The following HMX2 variants were observed in gnomAD, a reference collection of about 807,000 sequenced individuals.
The protein encoded by HMX2 is H6 family homeobox 2.
In HMX2, 15 loss-of-function variants were observed where a neutral mutation model predicts 21.2. That is an observed-to-expected ratio of 0.71 (90% confidence interval 0.47 to 1.09). The LOEUF (loss-of-function observed/expected upper bound fraction) is 1.09. Among genes scored for constraint, HMX2 ranks in the 50% least tolerant of loss-of-function variants. The pLI is 0.00. For synonymous variants in HMX2, 193 were observed against 181.0 expected (o/e 1.07, Z -0.53); for missense variants, 440 against 381.5 (o/e 1.15, Z -1.28).
rs913190149 is a variant in HMX2 at position 123,148,511 on chromosome 10, C to G, written c.133C>G (p.Arg45Gly). 3 of 1,612,802 alleles carry G rather than the reference C, an allele frequency of 1.9e-6. No homozygotes were observed. The highest frequency in any genetic ancestry group is 2.5e-6 in the Non-Finnish European group (3 of 1,179,552). The change falls in exon 1 of 2, where the codon CGC (arginine) becomes GGC (glycine). Residue 45 changes from arginine (R) to glycine (G), a missense_variant. Arg to Gly is a moderately radical substitution (Grantham distance 125). Coordinates refer to ENST00000339992, the MANE Select transcript of HMX2 (RefSeq NM_005519.2). ...GCCCGTCGGCTGGCCAGCCAGGAAG[C>G]GCAGCCTGTCCGTGTCCTCGGAGGA... ...REPVGWPARKRSLSVSSEEEE... is the reference protein window; with the variant it reads ...REPVGWPARKGSLSVSSEEEE...
At position 123,149,675 on chromosome 10, in the gene HMX2, C is replaced by A; in HGVS notation, c.374C>A (p.Pro125His). ...DFKEEKERLL[P>H]AGSPSPGSER... ...AAAGAAGAGAAAGAGAGGCTCCTGCCCGCGGGCTCGCCCTCGCCGGGGTCC... is the reference window on the plus strand; with the variant it reads ...AAAGAAGAGAAAGAGAGGCTCCTGCACGCGGGCTCGCCCTCGCCGGGGTCC... The change falls in exon 2 of 2, where the codon CCC becomes CAC. Residue 125 changes from proline to histidine, a missense_variant. Physicochemically the swap from Pro to His is moderately conservative, Grantham distance 77. Coordinates refer to ENST00000339992, the MANE Select transcript of HMX2 (RefSeq NM_005519.2). The surrounding 1 kb of genome is among the most constrained non-coding windows in gnomAD (Gnocchi z 5.4). The A allele has an allele frequency of 6.4e-7, 1 of 1,563,216 alleles. No individual in the cohort carries two copies. The highest frequency in any genetic ancestry group is 1.2e-5 in the South Asian group (1 of 84,784).
chr10:123,149,678 C>T lies in HMX2; in HGVS notation c.377C>T (p.Ala126Val). Reference protein sequence around the residue: ...FKEEKERLLPAGSPSPGSERP... With the variant: ...FKEEKERLLPVGSPSPGSERP... Reference sequence around the variant, plus strand: ...GAAGAGAAAGAGAGGCTCCTGCCCGCGGGCTCGCCCTCGCCGGGGTCCGAG... The same window carrying T: ...GAAGAGAAAGAGAGGCTCCTGCCCGTGGGCTCGCCCTCGCCGGGGTCCGAG... Residue 126 changes from alanine to valine, a missense_variant, in exon 2 of 2, where the codon GCG becomes GTG. Transcript: ENST00000339992. The surrounding 1 kb of genome is among the most constrained non-coding windows in gnomAD (Gnocchi z 5.4). 6.4e-6 allele frequency: 10 copies of T among 1,562,556 alleles called. No individual in the cohort carries two copies. Among genetic ancestry groups the T allele is most frequent in the Non-Finnish European group, 8.6e-6 (10 of 1,160,096 alleles).
chr10:123,148,499 C>T lies in HMX2; in HGVS notation c.121C>T (p.Pro41Ser). The change falls in exon 1 of 2, where the codon CCA becomes TCA. Residue 41 changes from proline (P) to serine (S), a missense_variant. Coordinates refer to ENST00000339992, the MANE Select transcript of HMX2 (RefSeq NM_005519.2). ...GGCACCGCGGGAGCCCGTCGGCTGG[C>T]CAGCCAGGAAGCGCAGCCTGTCCGT... is the stretch of plus-strand genomic sequence containing the variant. ...SEAPREPVGW[P>S]ARKRSLSVSS... 6.2e-7 allele frequency: 1 copy of T among 1,612,406 alleles called. No homozygotes were observed.
rs1374540989 is a variant in HMX2, at chr10:123,149,148, ATT to A, written c.269-420_269-419del. 6.6e-6 allele frequency among the ~76,000 whole-genome samples: 1 copy of A among 151,984 alleles called. No individual in the cohort carries two copies. Among genetic ancestry groups the A allele is most frequent in the Non-Finnish European group, 1.5e-5 (1 of 67,954 alleles). On this transcript the variant is annotated intron_variant, in intron 1 of 1. Transcript: ENST00000339992. This position sits in a 1 kb window ranked among gnomAD's most constrained non-coding sequence, Gnocchi z 5.4. ...TTCAGAGACGGTTCCTCTTTACAAC[ATT>A]TGACGAAGGGGAGTCCTGCGTTAGT...
At position 123,148,245 on chromosome 10, in the gene HMX2, C is replaced by G. The variant is rs1844220363; in HGVS notation, c.-134C>G. ...GGCGCGGAAGGGACGCCTCACCAGC[C>G]TCGGCGCCCCCTCCCCCTAGATTTC... On this transcript the variant is annotated 5_prime_UTR_variant, in exon 1 of 2. Coordinates refer to ENST00000339992, the MANE Select transcript of HMX2 (RefSeq NM_005519.2). 1 of 921,282 alleles carries G rather than the reference C, an allele frequency of 1.1e-6. No homozygotes were observed. Among genetic ancestry groups the G allele is most frequent in the African/African-American group, 1.7e-5 (1 of 58,618 alleles). 57.1% of individuals were successfully genotyped at this position (921,282 alleles called of 1,614,324 possible). A position where few individuals can be genotyped will look rare whatever the true frequency, so the allele number is the denominator to read the frequency against.
In HMX2 at chr10:123,148,551, A is replaced by C; in HGVS notation, c.173A>C (p.Asp58Ala). ...TCCTCGGAGGAGGAGGAGCCGGACG[A>C]CGGCTGGAAGGCGCCCGCCTGCTTC... ...SVSSEEEEPD[D>A]GWKAPACFCP... is the part of the protein sequence containing the mutation. Residue 58 changes from aspartate to alanine, a missense_variant, in exon 1 of 2, where the codon GAC becomes GCC. Transcript: ENST00000339992. The C allele has an allele frequency of 6.2e-7, 1 of 1,612,954 alleles. No homozygotes were observed. The highest frequency in any genetic ancestry group is 8.5e-7 in the Non-Finnish European group (1 of 1,179,762).
Position 123,148,666 on chromosome 10 carries a change from A to T in HMX2, c.268+20A>T. ...GCCTGGGTAAGGATCGCACGTCGCC[A>T]GTGTGGCAGCGAGCGAGCGCGAGGG... On this transcript the variant is annotated intron_variant, in intron 1 of 1. Transcript: ENST00000339992. 6.3e-7 allele frequency: 1 copy of T among 1,591,214 alleles called. No homozygotes were observed.
At position 123,148,294 on chromosome 10, in the gene HMX2, G is replaced by A; in HGVS notation, c.-85G>A. ...TCCTCCCCGCCCCTCCCCACTGCCT[G>A]CCTGCTGCACCACCTTCCACCCAGA... On this transcript the variant is annotated 5_prime_UTR_variant, in exon 1 of 2. Transcript: ENST00000339992. The A allele has an allele frequency of 1.4e-6, 2 of 1,413,490 alleles. No homozygotes were observed. Among genetic ancestry groups the A allele is most frequent in the Non-Finnish European group, 9.7e-7 (1 of 1,027,634 alleles). The allele number at this position is 1,413,490 out of a possible 1,614,324, so 87.6% of individuals were successfully genotyped here. A position where few individuals can be genotyped will look rare whatever the true frequency, so the allele number is the denominator to read the frequency against.
Position 123,148,627 on chromosome 10 carries a change from C to T in HMX2, c.249C>T (p.Pro83=). The stretch of plus-strand genomic sequence containing the variant: ...AGCAGGGCCCCAAGCACCATCCCCC[C>T]ATCCCTTTTCCTTGCCTGGGTAAGG... The part of the protein sequence containing the change: ...PKEQGPKHHP[P]IPFPCLGTPK... The change falls in exon 1 of 2, where the codon CCC becomes CCT. Residue 83 remains proline (P), a synonymous_variant. Coordinates refer to ENST00000339992, the MANE Select transcript of HMX2 (RefSeq NM_005519.2). 1 of 1,610,682 alleles carries T rather than the reference C, an allele frequency of 6.2e-7. No homozygotes were observed. Among genetic ancestry groups the T allele is most frequent in the Non-Finnish European group, 8.5e-7 (1 of 1,178,736 alleles).
At chr10:123,148,713 C>A in intron 1 of HMX2, 67 bp downstream of exon 1, 1 of 1,556,092 alleles carries the variant, frequency 6.4e-7, no homozygotes, top group Non-Finnish European at 8.6e-7. Flanking sequence ...AGCGCCCCGC[C>A]AAGACTCCCG....
intron 1 of HMX2, 49 bp downstream of exon 1, chr10:123,148,695 G>A (rs772713553): frequency 6.3e-7 from 1 of 1,577,994 alleles, no homozygotes; most frequent in East Asian, 2.3e-5. Flanking sequence ...GCGAGGGGAG[G>A]GAGGCTGAGC....
rs903726433 is a variant in HMX2, at chr10:123,149,278, A to T, written c.269-292A>T. ...TACCACCAAGCAAATTCGCCTTTTA[A>T]AACCATGCTAATGTTTCCCCCTCCA... On this transcript the variant is annotated intron_variant, in intron 1 of 1. Coordinates refer to ENST00000339992, the MANE Select transcript of HMX2 (RefSeq NM_005519.2). This position sits in a 1 kb window ranked among gnomAD's most constrained non-coding sequence, Gnocchi z 5.4. Among the ~76,000 whole-genome samples the T allele has an allele frequency of 6.6e-6, 1 of 152,158 alleles. No individual in the cohort carries two copies. Among genetic ancestry groups the T allele is most frequent in the Non-Finnish European group, 1.5e-5 (1 of 68,028 alleles).
rs1423885120 is a variant in HMX2, at chr10:123,150,651, A to T, written c.*528A>T. 1 of 152,332 alleles carries T rather than the reference A, an allele frequency of 6.6e-6. No homozygotes were observed. The highest frequency in any genetic ancestry group is 2.4e-5 in the African/African-American group (1 of 41,474). The allele number at this position is 152,332 out of a possible 1,614,324, so 9.4% of individuals were successfully genotyped here. A position where few individuals can be genotyped will look rare whatever the true frequency, so the allele number is the denominator to read the frequency against. ...CTGTAAATATTTTTAAAAAGAAAAAAAAATAAAACATTTTAAACATCTTTG... is the reference window on the plus strand; with the variant it reads ...CTGTAAATATTTTTAAAAAGAAAAATAAATAAAACATTTTAAACATCTTTG... On this transcript the variant is annotated 3_prime_UTR_variant, in exon 2 of 2. Transcript: ENST00000339992. The surrounding 1 kb of genome is among the most constrained non-coding windows in gnomAD (Gnocchi z 4.2).
rs184734761 is a variant in HMX2 at position 123,148,683 on chromosome 10, G to A, written c.268+37G>A. On this transcript the variant is annotated intron_variant, in intron 1 of 1. Transcript: ENST00000339992. ...ACGTCGCCAGTGTGGCAGCGAGCGA[G>A]CGCGAGGGGAGGGAGGCTGAGCGCC... is the stretch of plus-strand genomic sequence containing the variant. The A allele has an allele frequency of 2.1e-3, 3,298 of 1,585,596 alleles. 9 individuals carry two copies. The highest frequency in any genetic ancestry group is 2.7e-3 in the Non-Finnish European group (3,123 of 1,170,900).
chr10:123,148,324 C>A lies in HMX2; in HGVS notation c.-55C>A. 6.2e-7 allele frequency: 1 copy of A among 1,603,278 alleles called. No individual in the cohort carries two copies. Among genetic ancestry groups the A allele is most frequent in the Non-Finnish European group, 8.5e-7 (1 of 1,173,032 alleles). ...CTGCACCACCTTCCACCCAGATCACCCAGATCGTCTCTAAAGGGAGTTCTT... is the reference window on the plus strand; with the variant it reads ...CTGCACCACCTTCCACCCAGATCACACAGATCGTCTCTAAAGGGAGTTCTT... On this transcript the variant is annotated 5_prime_UTR_variant, in exon 1 of 2. Coordinates refer to ENST00000339992, the MANE Select transcript of HMX2 (RefSeq NM_005519.2).
chr10:123,149,245 A>T lies in HMX2; in HGVS notation c.269-325A>T, dbSNP rs558167248. Among the ~76,000 whole-genome samples, 1 of 152,320 alleles carries T rather than the reference A, an allele frequency of 6.6e-6. No homozygotes were observed. Among genetic ancestry groups the T allele is most frequent in the Non-Finnish European group, 1.5e-5 (1 of 68,028 alleles). On this transcript the variant is annotated intron_variant, in intron 1 of 1. Coordinates refer to ENST00000339992, the MANE Select transcript of HMX2 (RefSeq NM_005519.2). This position sits in a 1 kb window ranked among gnomAD's most constrained non-coding sequence, Gnocchi z 5.4. ...CCTATAAAGCTCGAGGAACTCTTCCAGCTCAATTACCACCAAGCAAATTCG... is the reference window on the plus strand; with the variant it reads ...CCTATAAAGCTCGAGGAACTCTTCCTGCTCAATTACCACCAAGCAAATTCG...
Position 123,148,552 on chromosome 10 carries a change from C to A in HMX2, c.174C>A (p.Asp58Glu), listed in dbSNP as rs201464254. 6.2e-7 allele frequency: 1 copy of A among 1,612,970 alleles called. No individual in the cohort carries two copies. The highest frequency in any genetic ancestry group is 1.3e-5 in the African/African-American group (1 of 75,040). Residue 58 changes from aspartate (D) to glutamate (E), a missense_variant, in exon 1 of 2, where the codon GAC becomes GAA. Transcript: ENST00000339992. ...SVSSEEEEPDDGWKAPACFCP... is the reference protein window; with the variant it reads ...SVSSEEEEPDEGWKAPACFCP... ...CCTCGGAGGAGGAGGAGCCGGACGA[C>A]GGCTGGAAGGCGCCCGCCTGCTTCT... is the stretch of plus-strand genomic sequence containing the variant.
rs371432335 is a variant in HMX2 at position 123,150,124 on chromosome 10, C to T, written c.*1C>T. ...CCTATACAACAAGCTCGACTACTGA[C>T]CGGCCCGCCGCCCCGCGCCGCCCCC... On this transcript the variant is annotated 3_prime_UTR_variant, in exon 2 of 2. Coordinates refer to ENST00000339992, the MANE Select transcript of HMX2 (RefSeq NM_005519.2). The surrounding 1 kb of genome is among the most constrained non-coding windows in gnomAD (Gnocchi z 4.2). The T allele has an allele frequency of 4.6e-3, 7,097 of 1,528,896 alleles. 20 individuals carry two copies. Among genetic ancestry groups the T allele is most frequent in the Non-Finnish European group, 5.6e-3 (6,383 of 1,139,144 alleles). The allele number at this position is 1,528,896 out of a possible 1,614,324, so 94.7% of individuals were successfully genotyped here.
chr10:123,149,774 G>T lies in HMX2; in HGVS notation c.473G>T (p.Arg158Leu), dbSNP rs1326310676. The part of the protein sequence containing the change: ...AKKKTRTVFS[R>L]SQVYQLESTF... ...AAGAAGACGCGCACCGTCTTTTCGC[G>T]CAGCCAGGTGTACCAGCTCGAGTCC... Residue 158 changes from arginine to leucine, a missense_variant, in exon 2 of 2, where the codon CGC becomes CTC. Physicochemically the swap from Arg to Leu is moderately radical, Grantham distance 102. Coordinates refer to ENST00000339992, the MANE Select transcript of HMX2 (RefSeq NM_005519.2). This position sits in a 1 kb window ranked among gnomAD's most constrained non-coding sequence, Gnocchi z 5.4. 4 of 1,595,852 alleles carry T rather than the reference G, an allele frequency of 2.5e-6. No homozygotes were observed. The highest frequency in any genetic ancestry group is 3.3e-4 in the Middle Eastern group (2 of 6,006).
Sources: gnomAD v4.1 joint callset for allele counts (sites outside exome capture counted in the v4.1 genomes callset) on GRCh38, gnomAD v4.1.1 for gene constraint, Gnocchi (gnomAD v3.1) non-coding constraint, MANE v1.5 for transcripts, NCBI Gene and HGNC (gene_info 2026-07-23, HGNC 2026-07-21) for gene names.